PDGFD: variants seen among roughly 807,000 people sequenced by gnomAD.
PDGFD encodes platelet-derived growth factor D.
PDGFD carries 30 observed loss-of-function variants against 44.7 expected under a neutral mutation model. The ratio of observed to expected loss-of-function variants is 0.67; its 90% confidence interval spans 0.50 to 0.91. The LOEUF is 0.91. Among genes scored for constraint, PDGFD ranks in the 40% least tolerant of loss-of-function variants. PDGFD has a pLI of 0.00. For missense variants in PDGFD, 445 were observed against 457.8 expected, an observed-to-expected ratio of 0.97 and a Z score of 0.25; for synonymous variants, 173 against 168.4, an observed-to-expected ratio of 1.03 and a Z score of -0.21.
chr11:103,976,090 A>G (rs1859179695), intron 3 of PDGFD, among the ~76,000 whole-genome samples: 1 of 152,118 alleles, frequency 6.6e-6, no homozygotes, highest in Non-Finnish European at 1.5e-5. Flanking sequence ...TTTGGGCATT[A>G]TGGCCATTTT....
At chr11:103,922,771 G>T (rs1049803507) in intron 6 of PDGFD, among the ~76,000 whole-genome samples, 1 of 151,586 alleles carries the variant, frequency 6.6e-6, no homozygotes, top group Non-Finnish European at 1.5e-5. Context: ...GAGATGGGGG[G>T]GTCTCGCTAT....
intron 1 of PDGFD, among the ~76,000 whole-genome samples, chr11:104,077,910 A>G (rs74501003): frequency 0.014 from 2,062 of 152,240 alleles, 38 homozygotes; most frequent in African/African-American, 0.047. Context: ...TCTGAAGGGG[A>G]AAATGTACAG....
chr11:104,000,423 G>A (rs1006809596), intron 1 of PDGFD, among the ~76,000 whole-genome samples, 168 bp from the exon 2 acceptor site: 6 of 152,146 alleles, frequency 3.9e-5, no homozygotes, highest in African/African-American at 7.2e-5. Context: ...CACTGATGGC[G>A]TAGCAATCTA....
At chr11:104,127,767 A>T (rs1456233705) in intron 1 of PDGFD, among the ~76,000 whole-genome samples, 1 of 152,122 alleles carries the variant, frequency 6.6e-6, no homozygotes, top group Non-Finnish European at 1.5e-5. Context: ...AATAGGAACA[A>T]CCAACCAATG....
intron 1 of PDGFD, among the ~76,000 whole-genome samples, chr11:104,009,896 T>TC (rs1344686629): frequency 2.0e-5 from 3 of 152,106 alleles, no homozygotes; most frequent in Admixed American, 1.3e-4. Context: ...TGAGCTGAAG[T>TC]CCTCCTGGGA....
At chr11:103,940,722 A>G (rs1376147168) in intron 5 of PDGFD, among the ~76,000 whole-genome samples, 1 of 152,178 alleles carries the variant, frequency 6.6e-6, no homozygotes, top group African/African-American at 2.4e-5. Context: ...TAATTAAATC[A>G]GCACATTTAT....
At chr11:104,161,819 GAATATT>G (rs1430456698) in intron 1 of PDGFD, among the ~76,000 whole-genome samples, 3 of 152,236 alleles carry the variant, frequency 2.0e-5, no homozygotes, top group African/African-American at 7.2e-5. Flanking sequence ...AATCCATTAT[GAATATT>G]AACATTTTTT....
chr11:104,158,226 CAT>C (rs1862336153), intron 1 of PDGFD, among the ~76,000 whole-genome samples: 1 of 152,180 alleles, frequency 6.6e-6, no homozygotes, highest in Admixed American at 6.5e-5. Flanking sequence ...GATGAACACA[CAT>C]ATGTGAAGAA....
chr11:104,058,288 A>G (rs150324111), intron 1 of PDGFD, among the ~76,000 whole-genome samples: 57 of 152,374 alleles, frequency 3.7e-4, no homozygotes, highest in Middle Eastern at 6.8e-3. Flanking sequence ...AACACGTTAT[A>G]CATTCACCGA....
intron 1 of PDGFD, among the ~76,000 whole-genome samples, chr11:104,001,796 T>C (rs1328711062): frequency 6.6e-6 from 1 of 152,198 alleles, no homozygotes; most frequent in East Asian, 1.9e-4. Flanking sequence ...AGGGAAGCTA[T>C]GCTTGCTGGT....
chr11:104,056,914 G>A (rs1192255241), intron 1 of PDGFD, among the ~76,000 whole-genome samples: 3 of 152,142 alleles, frequency 2.0e-5, no homozygotes, highest in African/African-American at 4.8e-5. Context: ...AGTATCAGGA[G>A]GTTAGGAGCT....
chr11:103,988,358 C>T (rs1031210606), intron 3 of PDGFD, among the ~76,000 whole-genome samples: 1 of 151,566 alleles, frequency 6.6e-6, no homozygotes, highest in African/African-American at 2.4e-5. Context: ...CTGAACTTTC[C>T]AAGTGTCATT....
chr11:104,125,983 A>G (rs907801600), intron 1 of PDGFD, among the ~76,000 whole-genome samples: 9 of 152,308 alleles, frequency 5.9e-5, no homozygotes, highest in African/African-American at 2.2e-4. Flanking sequence ...TAAAGAGCAC[A>G]GCTCTTAGGT....
intron 3 of PDGFD, among the ~76,000 whole-genome samples, chr11:103,978,355 C>G (rs1354115102): frequency 6.6e-6 from 1 of 152,034 alleles, no homozygotes; most frequent in Non-Finnish European, 1.5e-5. Flanking sequence ...CCTGGGTACT[C>G]TTTCTCTCCT....
intron 1 of PDGFD, among the ~76,000 whole-genome samples, chr11:104,066,370 G>A (rs361265): frequency 0.46 from 70,601 of 152,034 alleles, 18,022 homozygotes; most frequent in African/African-American, 0.68. Context: ...AAATGATCAG[G>A]TATTTCAGTG....
chr11:104,162,482 T>A (rs895495682), intron 1 of PDGFD, among the ~76,000 whole-genome samples: 3 of 151,960 alleles, frequency 2.0e-5, no homozygotes, highest in Admixed American at 6.6e-5. Context: ...ATAAATAAAT[T>A]ACGTGCTTTT....
rs1314438898 is a variant in PDGFD, at chr11:104,119,091, G to A, written c.124+44713C>T. Among the ~76,000 whole-genome samples, 31 of 29,158 alleles carry A rather than the reference G, an allele frequency of 1.1e-3. 10 individuals are homozygous for A. The highest frequency in any genetic ancestry group is 1.4e-3 in the Non-Finnish European group (26 of 17,982). The allele number at this position is 29,158 out of a possible 152,430, so 19.1% of individuals were successfully genotyped here. On this transcript the variant is annotated intron_variant, in intron 1 of 6. Coordinates refer to ENST00000393158, the MANE Select transcript of PDGFD (RefSeq NM_025208.5). ...ATATTGGTATAATATATAATATATT[G>A]ATATAATATATAATATATTAATATA...
intron 1 of PDGFD, among the ~76,000 whole-genome samples, chr11:104,035,856 C>T (rs1860223744): frequency 6.6e-6 from 1 of 152,148 alleles, no homozygotes; most frequent in Non-Finnish European, 1.5e-5. Context: ...TCCAGCTTGT[C>T]TCCTCCTTAG....
chr11:104,122,778 C>T (rs145780939), intron 1 of PDGFD, among the ~76,000 whole-genome samples: 5 of 152,018 alleles, frequency 3.3e-5, no homozygotes, highest in African/African-American at 9.6e-5. Context: ...ATACACATGC[C>T]TTTAACTTCA....
Sources: gnomAD v4.1 joint callset for allele counts (sites outside exome capture counted in the v4.1 genomes callset) on GRCh38, gnomAD v4.1.1 for gene constraint, MANE v1.5 for transcripts, NCBI Gene and HGNC (gene_info 2026-07-23, HGNC 2026-07-21) for gene names.